CDH13: variants seen among roughly 807,000 people sequenced by gnomAD.
CDH13 encodes cadherin 13.
A neutral mutation model predicts 63.8 loss-of-function variants in CDH13; 24 were observed. The ratio of observed to expected loss-of-function variants is 0.38; its 90% CI spans 0.27 to 0.53. The LOEUF (loss-of-function observed/expected upper bound fraction) is 0.53, where lower values mean the gene tolerates loss of function less well. Ranked by LOEUF, CDH13 falls within the 20% of genes least tolerant of loss-of-function variation. CDH13 has a pLI of 0.85. For missense variants in CDH13, 1,049 were observed against 903.1 expected, an observed-to-expected ratio of 1.16 and a Z score of -2.07; for synonymous variants, 503 against 355.3, an observed-to-expected ratio of 1.42 and a Z score of -4.67.
chr16:83,518,176 G>T (rs1179511605), intron 7 of CDH13, among the ~76,000 whole-genome samples: 2 of 152,064 alleles, frequency 1.3e-5, no homozygotes, highest in Non-Finnish European at 2.9e-5. Flanking sequence ...ATGGAGTCTT[G>T]TTCTCTCACC....
At chr16:83,330,871 C>T (rs138209193) in intron 5 of CDH13, among the ~76,000 whole-genome samples, 4 of 152,312 alleles carry the variant, frequency 2.6e-5, no homozygotes, top group African/African-American at 7.2e-5. Context: ...ATGCAAAAGA[C>T]GCTTCTTAGA....
intron 10 of CDH13, among the ~76,000 whole-genome samples, chr16:83,697,702 C>T (rs1013362250): frequency 5.3e-5 from 8 of 152,188 alleles, no homozygotes; most frequent in Non-Finnish European, 1.2e-4. Context: ...GGCTGGAGTG[C>T]AGTGGTGCAA....
chr16:82,663,141 A>T (rs1319838653), intron 1 of CDH13, among the ~76,000 whole-genome samples: 1 of 152,194 alleles, frequency 6.6e-6, no homozygotes, highest in East Asian at 1.9e-4. Context: ...GCTTGAATAA[A>T]TACCCTTACT....
chr16:82,976,486 C>T (rs958410933), intron 2 of CDH13, among the ~76,000 whole-genome samples: 3 of 152,150 alleles, frequency 2.0e-5, no homozygotes, highest in African/African-American at 7.2e-5. Flanking sequence ...TTCCAGTTAT[C>T]CTCATCATAG....
intron 3 of CDH13, among the ~76,000 whole-genome samples, chr16:83,096,414 T>C (rs527844568): frequency 6.6e-6 from 1 of 152,298 alleles, no homozygotes; most frequent in East Asian, 1.9e-4. Flanking sequence ...AGTTATCCAA[T>C]AGCTACTGAA....
chr16:83,735,364 A>C (rs933912436), intron 10 of CDH13: 1 of 152,094 alleles, frequency 6.6e-6, no homozygotes, highest in African/African-American at 2.4e-5. Flanking sequence ...TCAATCATTG[A>C]TTCCCTTCTC....
intron 1 of CDH13, among the ~76,000 whole-genome samples, chr16:82,841,924 G>A (rs1048125783): frequency 2.0e-5 from 3 of 151,618 alleles, no homozygotes; most frequent in Admixed American, 1.3e-4. Context: ...CATGATGGGA[G>A]CATTTATGCC....
chr16:82,935,262 C>T (rs1260639583), intron 2 of CDH13, among the ~76,000 whole-genome samples: 1 of 152,222 alleles, frequency 6.6e-6, no homozygotes, highest in South Asian at 2.1e-4. Flanking sequence ...GCCATTAGAT[C>T]CCATGAGAAC....
intron 1 of CDH13, among the ~76,000 whole-genome samples, chr16:82,841,717 C>G (rs1352165231): frequency 2.0e-5 from 3 of 152,072 alleles, no homozygotes; most frequent in African/African-American, 7.2e-5. Flanking sequence ...CAAAGCTGTA[C>G]TTTGTGGTAC....
intron 4 of CDH13, among the ~76,000 whole-genome samples, chr16:83,193,409 C>T (rs8046479): frequency 0.5 from 75,815 of 151,978 alleles, 21,659 homozygotes; most frequent in African/African-American, 0.79. Context: ...AGTTGCGAGC[C>T]CCAAACCCTA....
chr16:82,871,479 G>T (rs2040339197), intron 2 of CDH13, among the ~76,000 whole-genome samples: 1 of 152,106 alleles, frequency 6.6e-6, no homozygotes, highest in Non-Finnish European at 1.5e-5. Context: ...GAGATCCAAG[G>T]GTTGACACTA....
chr16:83,793,812 TAAAA>T (rs201145847), intron 13 of CDH13, among the ~76,000 whole-genome samples: 3 of 142,234 alleles, frequency 2.1e-5, no homozygotes, highest in Admixed American at 7.0e-5. Context: ...ACTCTGTCTC[TAAAA>T]AAAAAAAAAA....
intron 3 of CDH13, among the ~76,000 whole-genome samples, chr16:83,063,069 C>G (rs921175503): frequency 1.3e-5 from 2 of 151,072 alleles, no homozygotes; most frequent in Non-Finnish European, 2.9e-5. Flanking sequence ...TCAAGTGAGT[C>G]TCCTGCATCA....
chr16:82,844,274 G>C (rs1175072608), intron 1 of CDH13, among the ~76,000 whole-genome samples: 1 of 152,126 alleles, frequency 6.6e-6, no homozygotes, highest in Non-Finnish European at 1.5e-5. Flanking sequence ...AAAGGATGTA[G>C]ATGACCTAGC....
chr16:83,238,130 A>G (rs1000339261), intron 5 of CDH13, among the ~76,000 whole-genome samples: 2 of 152,148 alleles, frequency 1.3e-5, no homozygotes, highest in African/African-American at 4.8e-5. Context: ...AAGTTCGTCC[A>G]TTAGGTATGA....
At chr16:83,165,117 G>C (rs1006106610) in intron 4 of CDH13, among the ~76,000 whole-genome samples, 8 of 151,966 alleles carry the variant, frequency 5.3e-5, no homozygotes, top group Non-Finnish European at 1.0e-4. Flanking sequence ...TAGGCTAAGG[G>C]GTTGTCCTGT....
chr16:83,032,058 C>T lies in CDH13; in HGVS notation c.206C>T (p.Ser69Leu), dbSNP rs374734713. 1.8e-5 allele frequency: 29 copies of T among 1,609,250 alleles called. No homozygotes were observed. Among genetic ancestry groups the T allele is most frequent in the East Asian group, 4.5e-5 (2 of 44,654 alleles). Residue 69 changes from serine (S) to leucine (L), a missense_variant, in exon 3 of 14, where the codon TCG (serine) becomes TTG (leucine). Transcript: ENST00000567109. ...KGNDKLRYEV[S>L]SPYFKVNSDG... Reference sequence around the variant, plus strand: ...AACGACAAGCTACGCTATGAGGTCTCGAGCCCATACTTCAAGGTGAACAGC... The same window carrying T: ...AACGACAAGCTACGCTATGAGGTCTTGAGCCCATACTTCAAGGTGAACAGC...
intron 6 of CDH13, among the ~76,000 whole-genome samples, chr16:83,361,253 G>A (rs1169921337): frequency 6.6e-6 from 1 of 152,100 alleles, no homozygotes; most frequent in Non-Finnish European, 1.5e-5. Context: ...GTCTGTTCAT[G>A]CCTTTGCCCA....
Position 82,880,472 on chromosome 16 carries a change from G to C in CDH13, c.157+21999G>C, listed in dbSNP as rs114117755. Among the ~76,000 whole-genome samples the C allele has an allele frequency of 8.9e-3, 1,359 of 152,166 alleles. 25 individuals are homozygous for C. Among genetic ancestry groups the C allele is most frequent in the African/African-American group, 0.031 (1,290 of 41,498 alleles). On this transcript the variant is annotated intron_variant, in intron 2 of 13. Coordinates refer to ENST00000567109, the MANE Select transcript of CDH13 (RefSeq NM_001257.5). Reference sequence around the variant, plus strand: ...GCACATAGAAAGGTGATTTGAATGGGGGCATTTGCTCTGTTATTTTGGTGA... The same window carrying C: ...GCACATAGAAAGGTGATTTGAATGGCGGCATTTGCTCTGTTATTTTGGTGA...
Sources: allele counts gnomAD v4.1 joint callset (sites outside exome capture counted in the v4.1 genomes callset), GRCh38; gene constraint gnomAD v4.1.1; transcripts MANE v1.5; gene names NCBI Gene and HGNC (gene_info 2026-07-23, HGNC 2026-07-21).